HERC1: variants seen among roughly 807,000 people sequenced by gnomAD.
HERC1 encodes the protein HECT and RLD domain containing E3 ubiquitin protein ligase family member 1, also known as probable E3 ubiquitin-protein ligase HERC1.
Under a neutral mutation model 554.3 loss-of-function variants are expected in HERC1, and 160 were observed. The ratio of observed to expected loss-of-function variants is 0.29; its 90% CI spans 0.25 to 0.33. The LOEUF (loss-of-function observed/expected upper bound fraction) is 0.33. Among genes scored for constraint, HERC1 ranks in the 10% least tolerant of loss-of-function variants. HERC1 has a pLI of 1.00. For synonymous variants in HERC1, 2,175 were observed against 2,131.7 expected (o/e 1.02, Z -0.56); for missense variants, 4,919 against 5,918.5 (o/e 0.83, Z 5.54).
chr15:63,806,141 G>A (rs953491089), intron 1 of HERC1, among the ~76,000 whole-genome samples: 2 of 151,390 alleles, frequency 1.3e-5, no homozygotes, highest in Admixed American at 6.6e-5. Context: ...CACCTCTGAT[G>A]AGCATTTCTG....
intron 21 of HERC1, among the ~76,000 whole-genome samples, chr15:63,716,786 T>C (rs943822502): frequency 6.6e-6 from 1 of 152,246 alleles, no homozygotes; most frequent in Non-Finnish European, 1.5e-5. Flanking sequence ...TAAGTTGTAA[T>C]GAACATGATA....
At chr15:63,740,896 C>T (rs2074772017) in intron 12 of HERC1, among the ~76,000 whole-genome samples, 1 of 152,102 alleles carries the variant, frequency 6.6e-6, no homozygotes. Flanking sequence ...TTGAAAGTAT[C>T]CTTTGAAGCA....
chr15:63,824,461 G>A (rs909546778), intron 1 of HERC1, among the ~76,000 whole-genome samples: 1 of 150,436 alleles, frequency 6.6e-6, no homozygotes, highest in Non-Finnish European at 1.5e-5. Flanking sequence ...TTGAACCCGG[G>A]AGGCAGAGGT....
intron 69 of HERC1, among the ~76,000 whole-genome samples, chr15:63,629,616 G>A (rs1219830888): frequency 6.6e-6 from 1 of 152,202 alleles, no homozygotes; most frequent in Non-Finnish European, 1.5e-5. Flanking sequence ...TCACGGCACT[G>A]CCAGGAAACT....
At chr15:63,628,866 G>A (rs2068422295) in intron 69 of HERC1, 51 bp from the exon 70 acceptor site, 1 of 1,564,852 alleles carries the variant, frequency 6.4e-7, no homozygotes, top group Non-Finnish European at 8.7e-7. Flanking sequence ...GAGGAAGAGA[G>A]GAAGTCAATA....
chr15:63,814,654 A>T (rs2077434681), intron 1 of HERC1, among the ~76,000 whole-genome samples: 1 of 152,108 alleles, frequency 6.6e-6, no homozygotes, highest in Admixed American at 6.5e-5. Flanking sequence ...TTTTTAGTAG[A>T]GACAGGGTTT....
At chr15:63,759,410 T>A (rs2075535692) in intron 3 of HERC1, among the ~76,000 whole-genome samples, 2 of 152,344 alleles carry the variant, frequency 1.3e-5, no homozygotes, top group Non-Finnish European at 2.9e-5. Context: ...CCAGGCTGCC[T>A]GCCAAAAGCA....
intron 77 of HERC1, among the ~76,000 whole-genome samples, chr15:63,610,132 T>TA (rs1020082874): frequency 9.7e-4 from 138 of 141,714 alleles, no homozygotes; most frequent in Middle Eastern, 3.6e-3. Context: ...AACGTTTGCT[T>TA]AAAAAAAAAA....
chr15:63,833,741 A>ACG (rs2078241224), intron 1 of HERC1, 86 bp downstream of exon 1: 1 of 38,642 alleles, frequency 2.6e-5, no homozygotes, highest in African/African-American at 9.1e-5. Flanking sequence ...GGCAAAGCAC[A>ACG]CACGCGCGCG....
intron 1 of HERC1, among the ~76,000 whole-genome samples, chr15:63,777,166 C>A (rs2076141716): frequency 6.6e-6 from 1 of 152,152 alleles, no homozygotes; most frequent in Non-Finnish European, 1.5e-5. Context: ...TGATAAAGAT[C>A]CCAGACTACA....
chr15:63,746,832 C>A, intron 12 of HERC1, 86 bp downstream of exon 12: 1 of 1,127,406 alleles, frequency 8.9e-7, no homozygotes. Context: ...TGAAATTGTC[C>A]AATGTACAGT....
At chr15:63,806,321 C>T (rs1213261977) in intron 1 of HERC1, among the ~76,000 whole-genome samples, 2 of 152,076 alleles carry the variant, frequency 1.3e-5, no homozygotes, top group African/African-American at 2.4e-5. Context: ...CTGTCAAAAT[C>T]CACACTTTTC....
In HERC1 at chr15:63,660,062, T is replaced by C. The variant is rs1377251942; in HGVS notation, c.9224-126A>G. 1.2e-5 allele frequency: 9 copies of C among 768,272 alleles called. No individual in the cohort carries two copies. In the Admixed American group the frequency reaches 2.0e-4, roughly 17 times the overall value. 47.6% of individuals were successfully genotyped at this position (768,272 alleles called of 1,614,324 possible). On this transcript the variant is annotated intron_variant, in intron 46 of 77. Transcript: ENST00000443617. Reference sequence around the variant, plus strand: ...AGCCAGATGCGATGGCTCACGCCTGTAATCCCAACACTCTGGGAGGCCGAG... The same window carrying C: ...AGCCAGATGCGATGGCTCACGCCTGCAATCCCAACACTCTGGGAGGCCGAG...
At chr15:63,687,374 C>T (rs1453542131) in intron 33 of HERC1, among the ~76,000 whole-genome samples, 1 of 152,018 alleles carries the variant, frequency 6.6e-6, no homozygotes, top group East Asian at 1.9e-4. Flanking sequence ...CCCGTCTCTA[C>T]TAAAAATACA....
intron 25 of HERC1, among the ~76,000 whole-genome samples, chr15:63,702,144 G>T (rs2072753805): frequency 6.6e-6 from 1 of 152,172 alleles, no homozygotes; most frequent in African/African-American, 2.4e-5. Flanking sequence ...ATGCCATCAT[G>T]TACTTGCTTG....
intron 72 of HERC1, 87 bp from the exon 73 acceptor site, chr15:63,623,977 A>C: frequency 6.9e-7 from 1 of 1,459,818 alleles, no homozygotes; most frequent in South Asian, 1.3e-5. Context: ...GTGAATGAAA[A>C]AGCTAGTTTA....
In HERC1 at chr15:63,620,214, A is replaced by C. The variant is rs1007256635; in HGVS notation, c.13688+2601T>G. Among the ~76,000 whole-genome samples the C allele has an allele frequency of 5.3e-5, 8 of 152,264 alleles. 1 individual carries two copies. Among genetic ancestry groups the C allele is most frequent in the African/African-American group, 1.9e-4 (8 of 41,538 alleles). ...TTGTGTCTTTGTTCTCGTTGGTTTC[A>C]AAGAACATCTTCATTTCTGCCTTCA... is the stretch of plus-strand genomic sequence containing the variant. On this transcript the variant is annotated intron_variant, in intron 74 of 77. Coordinates refer to ENST00000443617, the MANE Select transcript of HERC1 (RefSeq NM_003922.4).
chr15:63,613,524 T>C (rs998202489), intron 76 of HERC1, among the ~76,000 whole-genome samples: 10 of 152,186 alleles, frequency 6.6e-5, no homozygotes, highest in Non-Finnish European at 1.3e-4. Context: ...AGAATCTGAA[T>C]AGGGACCATA....
intron 1 of HERC1, among the ~76,000 whole-genome samples, chr15:63,783,780 T>C (rs574873639): frequency 2.6e-5 from 4 of 152,262 alleles, no homozygotes; most frequent in Admixed American, 1.3e-4. Context: ...ATAAAACTCA[T>C]GATCGGGCCG....
Sources: gnomAD v4.1 joint callset for allele counts (sites outside exome capture counted in the v4.1 genomes callset) on GRCh38, gnomAD v4.1.1 for gene constraint, MANE v1.5 for transcripts, NCBI Gene and HGNC (gene_info 2026-07-23, HGNC 2026-07-21) for gene names.